The following PLCB1 variants were observed in gnomAD, a reference collection of about 807,000 sequenced individuals.
PLCB1 encodes phospholipase C beta 1.
Under a neutral mutation model 161.8 loss-of-function variants are expected in PLCB1, and 46 were observed. The observed-to-expected ratio is 0.28, with a 90% CI of 0.22 to 0.36. The LOEUF (loss-of-function observed/expected upper bound fraction) is 0.36. PLCB1 is among the 10% of genes least tolerant of loss of function. The pLI is 1.00. For synonymous variants in PLCB1, 517 were observed against 503.7 expected (o/e 1.03, Z -0.35); for missense variants, 1,016 against 1,472.5 (o/e 0.69, Z 5.07).
At chr20:8,349,473 G>A (rs1986109976) in intron 2 of PLCB1, among the ~76,000 whole-genome samples, 3 of 152,190 alleles carry the variant, frequency 2.0e-5, no homozygotes, top group Admixed American at 2.0e-4. Context: ...TGCAATTAGT[G>A]TCTGAATTTA....
intron 2 of PLCB1, among the ~76,000 whole-genome samples, chr20:8,152,795 C>A (rs906036323): frequency 1.1e-4 from 17 of 152,084 alleles, no homozygotes; most frequent in African/African-American, 4.1e-4. Flanking sequence ...AAGCTTATAC[C>A]AAAGCACTTG....
intron 31 of PLCB1, among the ~76,000 whole-genome samples, chr20:8,819,825 C>T (rs1985250768): frequency 6.6e-6 from 1 of 152,058 alleles, no homozygotes; most frequent in Admixed American, 6.6e-5. Context: ...TATCATTAGA[C>T]TTAAAAATAA....
chr20:8,394,240 A>G (rs764295862), intron 3 of PLCB1, among the ~76,000 whole-genome samples: 2 of 152,140 alleles, frequency 1.3e-5, no homozygotes, highest in African/African-American at 2.4e-5. Flanking sequence ...CTATGGTTTC[A>G]CATCTTATGA....
intron 2 of PLCB1, among the ~76,000 whole-genome samples, chr20:8,174,150 A>G (rs2051759343): frequency 6.6e-6 from 1 of 152,062 alleles, no homozygotes; most frequent in Non-Finnish European, 1.5e-5. Context: ...GCGCACCTCA[A>G]ACAGGATACA....
Position 8,870,910 on chromosome 20 carries a change from A to C in PLCB1, c.3424-10712A>C, listed in dbSNP as rs369641528. ...CACAAAAGGAGAAAATTGTTGGAAGACCTTTGTCTAAAGTGGTGCTATTCA... is the reference window on the plus strand; with the variant it reads ...CACAAAAGGAGAAAATTGTTGGAAGCCCTTTGTCTAAAGTGGTGCTATTCA... On this transcript the variant is annotated intron_variant, in intron 31 of 31. Transcript: ENST00000338037. Among the ~76,000 whole-genome samples the C allele has an allele frequency of 1.8e-4, 28 of 152,352 alleles. 1 individual carries two copies. The highest frequency in any genetic ancestry group is 6.0e-4 in the African/African-American group (25 of 41,594).
At chr20:8,204,116 G>C (rs1008552638) in intron 2 of PLCB1, among the ~76,000 whole-genome samples, 5 of 152,136 alleles carry the variant, frequency 3.3e-5, no homozygotes, top group African/African-American at 1.2e-4. Context: ...GAATGGGTTA[G>C]AAGGAAGATG....
intron 2 of PLCB1, among the ~76,000 whole-genome samples, chr20:8,317,904 ACT>A (rs1356336927): frequency 2.7e-5 from 4 of 150,126 alleles, no homozygotes; most frequent in Admixed American, 6.6e-5. Context: ...TTTGTTTGAA[ACT>A]CTCTTTTTTT....
intron 31 of PLCB1, among the ~76,000 whole-genome samples, chr20:8,839,794 G>A (rs918638403): frequency 1.3e-5 from 2 of 151,122 alleles, no homozygotes; most frequent in Admixed American, 6.6e-5. Context: ...ACTTTGGGAG[G>A]CCGAGGCAGG....
chr20:8,729,020 T>G (rs963125779), intron 17 of PLCB1, 30 bp from the exon 18 acceptor site: 7 of 1,451,010 alleles, frequency 4.8e-6, no homozygotes, highest in Non-Finnish European at 6.5e-6. Flanking sequence ...ATTTTTATAA[T>G]TGTATTCACT....
At chr20:8,792,568 C>T (rs888558496) in intron 31 of PLCB1, 3 of 471,146 alleles carry the variant, frequency 6.4e-6, no homozygotes, top group Middle Eastern at 3.2e-4. Flanking sequence ...CTATTGTCTG[C>T]GTTTTTTATT....
chr20:8,586,860 A>T (rs1256212534), intron 3 of PLCB1, among the ~76,000 whole-genome samples: 1 of 152,132 alleles, frequency 6.6e-6, no homozygotes, highest in Non-Finnish European at 1.5e-5. Flanking sequence ...GAACCATGGT[A>T]TTAATTCTAA....
intron 2 of PLCB1, among the ~76,000 whole-genome samples, chr20:8,283,497 AAC>A (rs150831844): frequency 0.016 from 2,353 of 151,490 alleles, 74 homozygotes; most frequent in African/African-American, 0.054. Flanking sequence ...CTAACATTCT[AAC>A]AGTCTTTAAA....
At chr20:8,607,200 C>T (rs968138959) in intron 3 of PLCB1, among the ~76,000 whole-genome samples, 2 of 152,308 alleles carry the variant, frequency 1.3e-5, no homozygotes, top group South Asian at 4.1e-4. Flanking sequence ...ATCCACTTCT[C>T]TCCATCTCCA....
chr20:8,374,175 T>A (rs1208275118), intron 3 of PLCB1, among the ~76,000 whole-genome samples: 1 of 152,120 alleles, frequency 6.6e-6, no homozygotes, highest in East Asian at 1.9e-4. Context: ...GGTAATTGAA[T>A]CATGGGGGCA....
intron 2 of PLCB1, among the ~76,000 whole-genome samples, chr20:8,333,140 C>G (rs148224507): frequency 1.3e-5 from 2 of 152,148 alleles, no homozygotes; most frequent in African/African-American, 4.8e-5. Context: ...TCCCCAGTCC[C>G]TGATTGAATG....
intron 5 of PLCB1, 122 bp from the exon 6 acceptor site, chr20:8,647,778 G>A (rs1989207082): frequency 1.4e-6 from 1 of 716,284 alleles, no homozygotes; most frequent in Non-Finnish European, 2.5e-6. Flanking sequence ...GGAGACTTGG[G>A]CAGTTTGTGG....
At chr20:8,295,399 C>T (rs778485729) in intron 2 of PLCB1, among the ~76,000 whole-genome samples, 7 of 152,024 alleles carry the variant, frequency 4.6e-5, no homozygotes, top group Non-Finnish European at 8.8e-5. Context: ...TTGTAACTTT[C>T]ATGTTTTACA....
intron 31 of PLCB1, among the ~76,000 whole-genome samples, chr20:8,876,318 G>T (rs1220858018): frequency 2.0e-5 from 3 of 152,136 alleles, no homozygotes; most frequent in Non-Finnish European, 2.9e-5. Context: ...GAGGTCTTAT[G>T]AACTTAAGAT....
chr20:8,709,546 C>T (rs1320043338), intron 12 of PLCB1, among the ~76,000 whole-genome samples: 1 of 152,134 alleles, frequency 6.6e-6, no homozygotes. Flanking sequence ...TCTTTTTACC[C>T]TCCTTCCTAT....
Sources: gnomAD v4.1 joint callset for allele counts (sites outside exome capture counted in the v4.1 genomes callset) on GRCh38, gnomAD v4.1.1 for gene constraint, MANE v1.5 for transcripts, NCBI Gene and HGNC (gene_info 2026-07-23, HGNC 2026-07-21) for gene names.